The following EYA3 variants were observed in gnomAD, a reference collection of about 807,000 sequenced individuals.
The protein encoded by EYA3 is EYA transcriptional coactivator and phosphatase 3, also known as protein phosphatase EYA3.
EYA3 carries 39 observed loss-of-function variants against 80.0 expected under a neutral mutation model. That is an observed-to-expected ratio of 0.49 (90% CI 0.38 to 0.64). The LOEUF is 0.64. EYA3 is among the 30% of genes least tolerant of loss of function. The pLI, the probability that EYA3 is intolerant of heterozygous loss-of-function variation, is 0.00. For synonymous variants in EYA3, 206 were observed against 232.8 expected, an observed-to-expected ratio of 0.88 and a Z score of 1.05; for missense variants, 523 against 676.1, an observed-to-expected ratio of 0.77 and a Z score of 2.51.
chr1:27,981,943 C>T (rs1365318707), intron 16 of EYA3, among the ~76,000 whole-genome samples: 3 of 151,872 alleles, frequency 2.0e-5, no homozygotes, highest in African/African-American at 7.3e-5. Context: ...GGCTGAAGTG[C>T]TCCTCCCACC....
intron 1 of EYA3, among the ~76,000 whole-genome samples, chr1:28,080,234 C>T (rs759950950): frequency 3.3e-5 from 5 of 151,856 alleles, no homozygotes; most frequent in Non-Finnish European, 5.9e-5. Context: ...CACTTGAGCC[C>T]AGGAGTTCAA....
chr1:28,038,757 T>C, intron 5 of EYA3, 82 bp downstream of exon 5: 5 of 765,542 alleles, frequency 6.5e-6, no homozygotes, highest in Non-Finnish European at 1.0e-5. Context: ...ATATCTATTA[T>C]TTTAGAGGAA....
rs12135049 is a variant in EYA3 at position 28,065,771 on chromosome 1, G to A, written c.-68-7677C>T. Among the ~76,000 whole-genome samples, 1,394 of 151,158 alleles carry A rather than the reference G, an allele frequency of 9.2e-3. 10 individuals are homozygous for A. Among genetic ancestry groups the A allele is most frequent in the African/African-American group, 0.017 (696 of 41,380 alleles). On this transcript the variant is annotated intron_variant, in intron 1 of 17. Transcript: ENST00000373871. The stretch of plus-strand genomic sequence containing the variant: ...TGTAATCCCAGCACTCTGGGAGGCC[G>A]AGGCGGGCGGATCATGAGGTCAGGA...
intron 10 of EYA3, 51 bp from the exon 11 acceptor site, chr1:28,004,470 T>C: frequency 7.5e-7 from 1 of 1,330,034 alleles, no homozygotes; most frequent in East Asian, 2.3e-5. Flanking sequence ...TACAATGGAA[T>C]GAAACCAGAA....
chr1:28,087,411 G>A (rs980276286), intron 1 of EYA3, among the ~76,000 whole-genome samples: 4 of 152,262 alleles, frequency 2.6e-5, no homozygotes, highest in Middle Eastern at 6.8e-3. Context: ...GTAATTCTAA[G>A]TAAAGTCTGG....
At chr1:28,029,612 G>T (rs1177880490) in intron 6 of EYA3, among the ~76,000 whole-genome samples, 6 of 141,304 alleles carry the variant, frequency 4.2e-5, no homozygotes, top group Non-Finnish European at 7.6e-5. Flanking sequence ...TTTTTTTTGA[G>T]ATGGAGTTTC....
chr1:28,075,866 G>A (rs1176538898), intron 1 of EYA3, among the ~76,000 whole-genome samples: 2 of 152,080 alleles, frequency 1.3e-5, no homozygotes, highest in East Asian at 3.8e-4. Flanking sequence ...ATCCATTAAA[G>A]TCTCATCAGC....
intron 1 of EYA3, among the ~76,000 whole-genome samples, chr1:28,083,467 CAG>C (rs892880048): frequency 6.6e-6 from 1 of 151,864 alleles, no homozygotes; most frequent in Non-Finnish European, 1.5e-5. Context: ...TTGCAGTGAC[CAG>C]AGATTGTGCC....
chr1:27,997,747 TCTC>T (rs1640558720), intron 12 of EYA3, among the ~76,000 whole-genome samples: 1 of 152,142 alleles, frequency 6.6e-6, no homozygotes, highest in South Asian at 2.1e-4. Flanking sequence ...ACATCTCACA[TCTC>T]CTTTGCATCT....
At chr1:28,042,442 A>T in intron 4 of EYA3, 129 bp downstream of exon 4, 1 of 731,914 alleles carries the variant, frequency 1.4e-6, no homozygotes, top group Non-Finnish European at 2.3e-6. Context: ...ACACACACAA[A>T]AACAAGGATG....
chr1:28,011,109 A>T, intron 9 of EYA3, 23 bp from the exon 10 acceptor site: 1 of 1,608,074 alleles, frequency 6.2e-7, no homozygotes, highest in Non-Finnish European at 8.5e-7. Flanking sequence ...AGTGAAACAT[A>T]TGTTGTCAGG....
chr1:28,059,950 G>A (rs1464671953), intron 1 of EYA3, among the ~76,000 whole-genome samples: 9 of 151,870 alleles, frequency 5.9e-5, no homozygotes, highest in Admixed American at 3.9e-4. Flanking sequence ...AACTCCTGAC[G>A]TCAGGTGATC....
At chr1:28,049,266 T>C (rs1212390161) in intron 2 of EYA3, among the ~76,000 whole-genome samples, 1 of 152,188 alleles carries the variant, frequency 6.6e-6, no homozygotes, top group Non-Finnish European at 1.5e-5. Flanking sequence ...AAATTTGTCG[T>C]GGCCATATAC....
chr1:28,014,168 G>C (rs2148796304), intron 8 of EYA3, among the ~76,000 whole-genome samples: 1 of 152,292 alleles, frequency 6.6e-6, no homozygotes, highest in Non-Finnish European at 1.5e-5. Context: ...TGTAATCCCA[G>C]CACTTTGGGA....
intron 12 of EYA3, 125 bp from the exon 13 acceptor site, chr1:27,997,503 G>A (rs1640544256): frequency 1.2e-6 from 1 of 834,130 alleles, no homozygotes; most frequent in South Asian, 1.5e-5. Flanking sequence ...TCTCTTATGT[G>A]TGGGTGATCA....
At chr1:28,058,210 A>G in intron 1 of EYA3, 116 bp from the exon 2 acceptor site, 3 of 432,722 alleles carry the variant, frequency 6.9e-6, no homozygotes, top group East Asian at 6.6e-5. Flanking sequence ...GTGAGTTCCA[A>G]TCACAAAATC....
intron 10 of EYA3, 193 bp downstream of exon 10, chr1:28,010,754 C>T: frequency 1.7e-6 from 1 of 575,194 alleles, no homozygotes; most frequent in South Asian, 2.4e-5. Context: ...TTTCTGTTCT[C>T]TTCTGGAATA....
chr1:27,996,426 G>A (rs1640464963), intron 13 of EYA3, among the ~76,000 whole-genome samples: 1 of 152,156 alleles, frequency 6.6e-6, no homozygotes. Context: ...AAAAACAACT[G>A]GGGTTCAGAG....
chr1:27,996,110 T>C (rs145536863), intron 13 of EYA3, among the ~76,000 whole-genome samples: 2 of 152,176 alleles, frequency 1.3e-5, no homozygotes, highest in Non-Finnish European at 2.9e-5. Context: ...TGACCTCAAG[T>C]GATTGGCCCG....
Sources: gnomAD v4.1 joint callset for allele counts (sites outside exome capture counted in the v4.1 genomes callset) on GRCh38, gnomAD v4.1.1 for gene constraint, MANE v1.5 for transcripts, NCBI Gene and HGNC (gene_info 2026-07-23, HGNC 2026-07-21) for gene names.